The following SP100 variants were observed in gnomAD, a reference collection of about 807,000 sequenced individuals.
SP100 encodes the protein nuclear autoantigen Sp-100.
SP100 carries 84 observed loss-of-function variants against 130.0 expected under a neutral mutation model. The ratio of observed to expected loss-of-function variants is 0.65; its 90% confidence interval spans 0.54 to 0.77. The LOEUF (loss-of-function observed/expected upper bound fraction) is 0.77, where lower values mean the gene tolerates loss of function less well. Among genes scored for constraint, SP100 ranks in the 30% least tolerant of loss-of-function variants. SP100 has a pLI of 0.00. For missense variants in SP100, 978 were observed against 1,052.2 expected (o/e 0.93, Z 0.97); for synonymous variants, 331 against 351.7 (o/e 0.94, Z 0.66).
intron 2 of SP100, among the ~76,000 whole-genome samples, chr2:230,418,180 C>T (rs547330837): frequency 5.3e-5 from 8 of 152,274 alleles, no homozygotes; most frequent in African/African-American, 9.6e-5. Context: ...TTATTTGCCC[C>T]GTTTTCATCT....
chr2:230,435,310 T>C (rs62193378), intron 2 of SP100, among the ~76,000 whole-genome samples: 40,055 of 152,120 alleles, frequency 0.26, 5,456 homozygotes, highest in Non-Finnish European at 0.29. Flanking sequence ...CAGGTCCATT[T>C]TGGAGGAGTT....
At chr2:230,533,566 A>G (rs1365029624) in intron 24 of SP100, among the ~76,000 whole-genome samples, 1 of 152,188 alleles carries the variant, frequency 6.6e-6, no homozygotes, top group African/African-American at 2.4e-5. Context: ...CTTGAACATT[A>G]CCCTAGTTTA....
rs772653416 is a variant in SP100, at chr2:230,473,332, C to T, written c.1438C>T (p.Pro480Ser). 1 of 1,610,518 alleles carries T rather than the reference C, an allele frequency of 6.2e-7. No individual in the cohort carries two copies. The highest frequency in any genetic ancestry group is 8.5e-7 in the Non-Finnish European group (1 of 1,177,204). ...TACAAATCACAATTTAGGATCACAG[C>T]CACAAGAACCTGAAAATAAGAAGTG... Reference protein sequence around the residue: ...SSLRRGSGSQPQEPENKKCSC... With the variant: ...SSLRRGSGSQSQEPENKKCSC... Residue 480 changes from proline to serine, a missense_variant, in exon 16 of 29, where the codon CCA becomes TCA. Transcript: ENST00000340126.
intron 8 of SP100, among the ~76,000 whole-genome samples, chr2:230,452,079 C>T (rs997338146): frequency 6.6e-6 from 1 of 152,078 alleles, no homozygotes; most frequent in African/African-American, 2.4e-5. Context: ...ATGCTTTCAG[C>T]TTTGTTCTTT....
At chr2:230,424,534 G>T (rs1308502234) in intron 2 of SP100, among the ~76,000 whole-genome samples, 2 of 152,054 alleles carry the variant, frequency 1.3e-5, no homozygotes, top group African/African-American at 2.4e-5. Flanking sequence ...TGGGCGTGGT[G>T]GCAGGCACCT....
Position 230,444,039 on chromosome 2 carries a change from A to G in SP100, c.271-139A>G, listed in dbSNP as rs1483071474. On this transcript the variant is annotated intron_variant, in intron 3 of 28. Coordinates refer to ENST00000340126, the MANE Select transcript of SP100 (RefSeq NM_001080391.2). ...ACTTCTTTCATTACTGGCTATACAA[A>G]TAAGTAAAAATTATAGAACCTCACA... The G allele has an allele frequency of 3.6e-5, 23 of 640,338 alleles. No homozygotes were observed. In the South Asian group the frequency reaches 4.4e-4, roughly 12 times the overall value. The allele number at this position is 640,338 out of a possible 1,614,324, so 39.7% of individuals were successfully genotyped here. A position where few individuals can be genotyped will look rare whatever the true frequency, so the allele number is the denominator to read the frequency against.
At chr2:230,470,609 A>G (rs2065218626) in intron 15 of SP100, 1 of 215,224 alleles carries the variant, frequency 4.6e-6, no homozygotes, top group Admixed American at 6.5e-5. Flanking sequence ...TTTGGCAAAT[A>G]ATATCTTATT....
At chr2:230,535,487 G>A (rs1224002947) in intron 24 of SP100, among the ~76,000 whole-genome samples, 1 of 152,100 alleles carries the variant, frequency 6.6e-6, no homozygotes, top group Admixed American at 6.5e-5. Context: ...ACAATTGAGA[G>A]GAGCATTACT....
At chr2:230,534,072 A>G (rs140706391) in intron 24 of SP100, among the ~76,000 whole-genome samples, 44 of 152,302 alleles carry the variant, frequency 2.9e-4, no homozygotes, top group African/African-American at 9.4e-4. Flanking sequence ...TGCTGTCTTT[A>G]TTAGGTTTCA....
intron 19 of SP100, among the ~76,000 whole-genome samples, chr2:230,501,820 A>C (rs1444916777): frequency 6.6e-6 from 1 of 151,896 alleles, no homozygotes; most frequent in East Asian, 1.9e-4. Context: ...ATCTGGAATG[A>C]CTGGCTATTT....
chr2:230,432,866 C>T (rs988005542), intron 2 of SP100, among the ~76,000 whole-genome samples: 6 of 152,238 alleles, frequency 3.9e-5, no homozygotes, highest in African/African-American at 1.4e-4. Flanking sequence ...ATCATTTATT[C>T]TCTTATGATT....
At chr2:230,462,400 C>T in intron 9 of SP100, 35 bp from the exon 10 acceptor site, 3 of 1,555,736 alleles carry the variant, frequency 1.9e-6, no homozygotes, top group South Asian at 1.1e-5. Context: ...TGGTCACACC[C>T]TGAGACTCTT....
chr2:230,462,719 T>C, intron 10 of SP100: 1 of 541,308 alleles, frequency 1.8e-6, no homozygotes, highest in Non-Finnish European at 3.3e-6. Flanking sequence ...TTTTGAGAAT[T>C]AGCCTTCTTT....
chr2:230,490,461 C>G (rs2066336800), intron 17 of SP100, among the ~76,000 whole-genome samples: 1 of 151,684 alleles, frequency 6.6e-6, no homozygotes, highest in South Asian at 2.1e-4. Context: ...GCCAGTCTGT[C>G]TTTTAATTGG....
chr2:230,474,525 T>A (rs1260480170), intron 17 of SP100, 78 bp downstream of exon 17: 5 of 746,910 alleles, frequency 6.7e-6, no homozygotes, highest in Non-Finnish European at 1.1e-5. Flanking sequence ...ATTATCATCA[T>A]TTTCTTTTTT....
intron 24 of SP100, among the ~76,000 whole-genome samples, chr2:230,524,193 A>AG (rs1416883045): frequency 7.0e-6 from 1 of 143,030 alleles, no homozygotes; most frequent in East Asian, 2.0e-4. Context: ...AAAAAAAAAA[A>AG]AAAAAAAAGA....
At chr2:230,438,263 AC>A (rs1295118529) in intron 2 of SP100, among the ~76,000 whole-genome samples, 1 of 151,818 alleles carries the variant, frequency 6.6e-6, no homozygotes, top group Admixed American at 6.6e-5. Flanking sequence ...AATTTTTCAT[AC>A]TTTTTCCATT....
At chr2:230,482,264 A>G (rs1241463462) in intron 17 of SP100, among the ~76,000 whole-genome samples, 1 of 152,202 alleles carries the variant, frequency 6.6e-6, no homozygotes, top group Non-Finnish European at 1.5e-5. Context: ...ATCTTGACCA[A>G]TAAAGTCAGA....
chr2:230,434,003 T>C (rs1406757303), intron 2 of SP100, among the ~76,000 whole-genome samples: 1 of 151,244 alleles, frequency 6.6e-6, no homozygotes. Context: ...ACCTAAAAAA[T>C]GGTAAAAGAA....
Sources: allele counts gnomAD v4.1 joint callset (sites outside exome capture counted in the v4.1 genomes callset), GRCh38; gene constraint gnomAD v4.1.1; transcripts MANE v1.5; gene names NCBI Gene and HGNC (gene_info 2026-07-23, HGNC 2026-07-21).